CFAP57: variants seen among roughly 807,000 people sequenced by gnomAD.
The protein encoded by CFAP57 is cilia- and flagella-associated protein 57.
A neutral mutation model predicts 146.8 loss-of-function variants in CFAP57; 116 were observed. That is an observed-to-expected ratio of 0.79 (90% CI 0.68 to 0.92). The LOEUF is 0.92. Among genes scored for constraint, CFAP57 ranks in the 40% least tolerant of loss-of-function variants. The pLI, the probability that CFAP57 is intolerant of heterozygous loss-of-function variation, is 0.00. For synonymous variants in CFAP57, 518 were observed against 552.8 expected, an observed-to-expected ratio of 0.94 and a Z score of 0.88; for missense variants, 1,377 against 1,527.2, an observed-to-expected ratio of 0.90 and a Z score of 1.64.
chr1:43,219,649 G>A (rs1183948598), intron 13 of CFAP57, 112 bp downstream of exon 13: 3 of 1,331,252 alleles, frequency 2.3e-6, no homozygotes, highest in Non-Finnish European at 2.1e-6. Context: ...ATGTGAAAAT[G>A]TCCAATTTTA....
intron 12 of CFAP57, 70 bp from the exon 13 acceptor site, chr1:43,219,312 G>A: frequency 6.8e-7 from 1 of 1,471,884 alleles, no homozygotes; most frequent in Non-Finnish European, 9.1e-7. Context: ...TCAGGTCAAG[G>A]CCGCAGGTTT....
chr1:43,174,001 A>T (rs1035807039), intron 2 of CFAP57, among the ~76,000 whole-genome samples: 5 of 152,240 alleles, frequency 3.3e-5, no homozygotes, highest in Admixed American at 6.5e-5. Context: ...GCATTTTGCT[A>T]TCATTAATGA....
At chr1:43,214,496 A>G (rs1644759473) in intron 11 of CFAP57, among the ~76,000 whole-genome samples, 1 of 152,194 alleles carries the variant, frequency 6.6e-6, no homozygotes, top group Admixed American at 6.5e-5. Flanking sequence ...AACAAATCAC[A>G]GTTTGTATAG....
rs115844672 is a variant in CFAP57, at chr1:43,244,216, T to C, written c.3538+857T>C. On this transcript the variant is annotated intron_variant, in intron 22 of 22. Coordinates refer to ENST00000372492, the MANE Select transcript of CFAP57 (RefSeq NM_001378189.1). ...TCTATGGCAAATTAAGCCAACATGG[T>C]TCAAGTTTTTGTTTTCTGGTGGTTT... Among the ~76,000 whole-genome samples, 153 of 152,242 alleles carry C rather than the reference T, an allele frequency of 1.0e-3. 1 individual carries two copies. Among genetic ancestry groups the C allele is most frequent in the African/African-American group, 3.4e-3 (143 of 41,558 alleles).
At position 43,172,423 on chromosome 1, in the gene CFAP57, C is replaced by A; in HGVS notation, c.-50C>A. ...TACAGGTAGCGCCTCTGGATACATG[C>A]GTGGTCTGCTGACCCAGAGAGAAAC... On this transcript the variant is annotated 5_prime_UTR_variant, in exon 1 of 23. Transcript: ENST00000372492. 4 of 1,551,024 alleles carry A rather than the reference C, an allele frequency of 2.6e-6. No individual in the cohort carries two copies. Among genetic ancestry groups the A allele is most frequent in the Non-Finnish European group, 3.5e-6 (4 of 1,146,840 alleles).
Position 43,206,290 on chromosome 1 carries a change from T to C in CFAP57, c.1543-430T>C, listed in dbSNP as rs534983131. ...AAAGACTTTAAATGATTATTTTTTA[T>C]CATATTTACCAGTTAACCTACATTG... is the stretch of plus-strand genomic sequence containing the variant. On this transcript the variant is annotated intron_variant, in intron 9 of 22. Coordinates refer to ENST00000372492, the MANE Select transcript of CFAP57 (RefSeq NM_001378189.1). 16 of 179,740 alleles carry C rather than the reference T, an allele frequency of 8.9e-5. No individual in the cohort carries two copies. The South Asian group carries it at 1.1e-3, about 12-fold the overall frequency. The allele number at this position is 179,740 out of a possible 1,614,324, so 11.1% of individuals were successfully genotyped here.
intron 22 of CFAP57, among the ~76,000 whole-genome samples, chr1:43,249,597 C>CTTTTTTTT (rs35050145): frequency 1.9e-5 from 1 of 52,650 alleles, no homozygotes; most frequent in Non-Finnish European, 3.5e-5. Context: ...ACCCAGCTAA[C>CTTTTTTTT]TTTTTTTTTT....
chr1:43,195,846 A>T (rs1302195166), intron 6 of CFAP57, among the ~76,000 whole-genome samples: 3 of 152,238 alleles, frequency 2.0e-5, no homozygotes, highest in Non-Finnish European at 4.4e-5. Context: ...CCTACTTATC[A>T]TAGGGAGGAA....
rs149942528 is a variant in CFAP57 at position 43,181,115 on chromosome 1, G to A, written c.158-419G>A. Among the ~76,000 whole-genome samples the A allele has an allele frequency of 5.9e-4, 89 of 152,046 alleles. No individual in the cohort carries two copies. The East Asian group carries it at 0.017, about 29-fold the overall frequency. On this transcript the variant is annotated intron_variant, in intron 2 of 22. Coordinates refer to ENST00000372492, the MANE Select transcript of CFAP57 (RefSeq NM_001378189.1). ...TGGGGACAGTCTCGCTCTGTCTCCC[G>A]GGCTGGAGTACAGTGGCATGATCTC...
intron 19 of CFAP57, among the ~76,000 whole-genome samples, chr1:43,233,296 C>T (rs1370649571): frequency 6.6e-6 from 1 of 152,148 alleles, no homozygotes; most frequent in Admixed American, 6.5e-5. Flanking sequence ...CGAGACCAGC[C>T]TGGCCAACAT....
At position 43,227,432 on chromosome 1, in the gene CFAP57, T is replaced by C. The variant is rs140954051; in HGVS notation, c.3009+306T>C. Reference sequence around the variant, plus strand: ...CTAAGGGAGATGCAGCTATTGGGCATTTGGCCACCAGAGGGCAGTGTGTAC... The same window carrying C: ...CTAAGGGAGATGCAGCTATTGGGCACTTGGCCACCAGAGGGCAGTGTGTAC... On this transcript the variant is annotated intron_variant, in intron 18 of 22. Coordinates refer to ENST00000372492, the MANE Select transcript of CFAP57 (RefSeq NM_001378189.1). Among the ~76,000 whole-genome samples, 284 of 152,318 alleles carry C rather than the reference T, an allele frequency of 1.9e-3. 3 individuals are homozygous for C. Among genetic ancestry groups the C allele is most frequent in the Admixed American group, 0.017 (259 of 15,298 alleles).
At chr1:43,240,788 C>T (rs543669295) in intron 21 of CFAP57, among the ~76,000 whole-genome samples, 2 of 152,290 alleles carry the variant, frequency 1.3e-5, no homozygotes, top group African/African-American at 4.8e-5. Context: ...GAAGCTTTCA[C>T]TCATGATGGA....
intron 9 of CFAP57, among the ~76,000 whole-genome samples, chr1:43,200,875 A>G (rs1447501343): frequency 6.6e-6 from 1 of 152,198 alleles, no homozygotes; most frequent in Non-Finnish European, 1.5e-5. Flanking sequence ...TTTAAGCAAG[A>G]AAGTAATGGG....
At chr1:43,174,377 TATTA>T (rs538935752) in intron 2 of CFAP57, among the ~76,000 whole-genome samples, 7 of 152,252 alleles carry the variant, frequency 4.6e-5, no homozygotes, top group Non-Finnish European at 1.0e-4. Flanking sequence ...GCTAAATTAT[TATTA>T]ATTCTAATGA....
chr1:43,196,927 A>G (rs78058317), intron 6 of CFAP57, among the ~76,000 whole-genome samples: 4,738 of 152,376 alleles, frequency 0.031, 100 homozygotes, highest in Middle Eastern at 0.058. Flanking sequence ...TATTTAGTCT[A>G]GTGTTATTCC....
intron 2 of CFAP57, among the ~76,000 whole-genome samples, chr1:43,177,386 A>G (rs1253804437): frequency 1.3e-5 from 2 of 152,190 alleles, no homozygotes; most frequent in African/African-American, 2.4e-5. Flanking sequence ...TGATTGTGAT[A>G]GAAAGGGCTA....
intron 6 of CFAP57, among the ~76,000 whole-genome samples, chr1:43,196,079 A>G (rs1472753825): frequency 6.6e-6 from 1 of 152,208 alleles, no homozygotes; most frequent in African/African-American, 2.4e-5. Context: ...CTTATCTTGG[A>G]TATTTAGAAT....
Position 43,172,766 on chromosome 1 carries a change from G to A in CFAP57, c.13G>A (p.Val5Ile). ...TTGGCGGGAGATCATGTCAGCCGTG[G>A]TAGCTCAGACGCTGCATGTTTTTGG... MSAV[V>I]AQTLHVFGLR... Residue 5 changes from valine (V) to isoleucine (I), a missense_variant, in exon 2 of 23, where the codon GTA becomes ATA. Val to Ile is a conservative substitution (Grantham distance 29). Coordinates refer to ENST00000372492, the MANE Select transcript of CFAP57 (RefSeq NM_001378189.1). 6.2e-7 allele frequency: 1 copy of A among 1,614,144 alleles called. No homozygotes were observed. Among genetic ancestry groups the A allele is most frequent in the South Asian group, 1.1e-5 (1 of 91,082 alleles).
chr1:43,197,580 A>G lies in CFAP57; in HGVS notation c.1150A>G (p.Met384Val). 3.1e-6 allele frequency: 5 copies of G among 1,613,968 alleles called. No homozygotes were observed. The highest frequency in any genetic ancestry group is 4.2e-6 in the Non-Finnish European group (5 of 1,180,000). ...GGAGCCTGCTCACTTTGAGTATTTGATGTATCCATTGCACTCAGCACCCAT... is the reference window on the plus strand; with the variant it reads ...GGAGCCTGCTCACTTTGAGTATTTGGTGTATCCATTGCACTCAGCACCCAT... Reference protein sequence around the residue: ...KGEPAHFEYLMYPLHSAPITG... With the variant: ...KGEPAHFEYLVYPLHSAPITG... Residue 384 changes from methionine to valine, a missense_variant, in exon 7 of 23, where the codon ATG (methionine) becomes GTG (valine). Physicochemically the swap from Met to Val is conservative, Grantham distance 21. Transcript: ENST00000372492.
Sources: allele counts gnomAD v4.1 joint callset (sites outside exome capture counted in the v4.1 genomes callset), GRCh38; gene constraint gnomAD v4.1.1; transcripts MANE v1.5; gene names NCBI Gene and HGNC (gene_info 2026-07-23, HGNC 2026-07-21).